Variants in ZNF587 observed in about 807,000 individuals in gnomAD.
ZNF587 encodes the protein zinc finger protein zfp6.
A neutral mutation model predicts 7.5 loss-of-function variants in ZNF587; 8 were observed. That is an observed-to-expected ratio of 1.06 (90% CI 0.62 to 1.92). The LOEUF is 1.92. ZNF587 is among the 40% of genes most tolerant of loss of function. The pLI, the probability that ZNF587 is intolerant of heterozygous loss-of-function variation, is 0.00. For synonymous variants in ZNF587, 145 were observed against 237.8 expected (o/e 0.61, Z 3.59); for missense variants, 468 against 692.8 (o/e 0.68, Z 3.64).
intron 1 of ZNF587, chr19:57,851,608 G>C (rs1173727737): frequency 6.5e-6 from 1 of 153,290 alleles, no homozygotes; most frequent in Non-Finnish European, 1.5e-5. Flanking sequence ...AGAGCTGGAA[G>C]GATGGAACCT....
Position 57,864,602 on chromosome 19 carries a change from A to ACATACATGAAATAGTGAT in ZNF587, c.*4463_*4480dup, listed in dbSNP as rs996562509. On this transcript the variant is annotated 3_prime_UTR_variant, in exon 3 of 3. Transcript: ENST00000339656. ...GCATGTTATATAAGCACATACAGGCACATACATGAAATAGTGATACTTCAT... is the reference window on the plus strand; with the variant it reads ...GCATGTTATATAAGCACATACAGGCACATACATGAAATAGTGATCATACATGAAATAGTGATACTTCAT... 1 of 152,164 alleles carries ACATACATGAAATAGTGAT rather than the reference A, an allele frequency of 6.6e-6. No individual in the cohort carries two copies. Among genetic ancestry groups the ACATACATGAAATAGTGAT allele is most frequent in the African/African-American group, 2.4e-5 (1 of 41,428 alleles). The allele number at this position is 152,164 out of a possible 1,614,324, so 9.4% of individuals were successfully genotyped here.
intron 1 of ZNF587, 65 bp from the exon 2 acceptor site, chr19:57,856,039 G>A: frequency 2.5e-6 from 4 of 1,601,642 alleles, no homozygotes; most frequent in Non-Finnish European, 2.6e-6. Flanking sequence ...GTGGGTGTGT[G>A]GGAGAGGTGG....
intron 2 of ZNF587, among the ~76,000 whole-genome samples, chr19:57,856,749 C>T (rs1253072157): frequency 6.6e-6 from 1 of 152,048 alleles, no homozygotes; most frequent in East Asian, 1.9e-4. Context: ...CTGCTTTGCT[C>T]CAGGCTCCCA....
chr19:57,860,049 G>C lies in ZNF587; in HGVS notation c.1637G>C (p.Arg546Thr). ...CACAGGAGAATTCACACTGGAGAAA[G>C]GCCTTATGAATGCACCAAATGTGGA... ...IKHRRIHTGE[R>T]PYECTKCGKT... The change falls in exon 3 of 3, where the codon AGG (arginine) becomes ACG (threonine). Residue 546 changes from arginine (R) to threonine (T), a missense_variant. Arg to Thr is a moderately conservative substitution (Grantham distance 71). Transcript: ENST00000339656. 6.2e-7 allele frequency: 1 copy of C among 1,614,120 alleles called. No individual in the cohort carries two copies. The highest frequency in any genetic ancestry group is 1.1e-5 in the South Asian group (1 of 91,080).
chr19:57,862,842 A>G lies in ZNF587; in HGVS notation c.*2702A>G, dbSNP rs2071452959. On this transcript the variant is annotated 3_prime_UTR_variant, in exon 3 of 3. Transcript: ENST00000339656. ...AATCTGTTTCCTCTCACTCTGAATT[A>G]TTCTTCCTCTTATGGCTGACCAAAA... 6.4e-6 allele frequency: 1 copy of G among 155,112 alleles called. No homozygotes were observed. The allele number at this position is 155,112 out of a possible 1,614,324, so 9.6% of individuals were successfully genotyped here.
In ZNF587 at chr19:57,860,656, G is replaced by C. The variant is rs1267925677; in HGVS notation, c.*516G>C. On this transcript the variant is annotated 3_prime_UTR_variant, in exon 3 of 3. Coordinates refer to ENST00000339656, the MANE Select transcript of ZNF587 (RefSeq NM_032828.4). ...AAACCTGATGCTTTGGGAGGACAAG[G>C]TGGTTCATTGGAGGCCAGGAGTTAG... 6.2e-6 allele frequency: 1 copy of C among 162,424 alleles called. No homozygotes were observed. Among genetic ancestry groups the C allele is most frequent in the Admixed American group, 5.8e-5 (1 of 17,328 alleles). The allele number at this position is 162,424 out of a possible 1,614,324, so 10.1% of individuals were successfully genotyped here. A position where few individuals can be genotyped will look rare whatever the true frequency, so the allele number is the denominator to read the frequency against.
At chr19:57,852,506 T>G (rs1188211952) in intron 1 of ZNF587, 17 of 398,036 alleles carry the variant, frequency 4.3e-5, no homozygotes, top group Non-Finnish European at 7.5e-5. Flanking sequence ...GGATTCACTT[T>G]TTGTAAAGAG....
intron 1 of ZNF587, among the ~76,000 whole-genome samples, chr19:57,855,179 G>A (rs1019843371): frequency 4.8e-4 from 72 of 150,612 alleles, no homozygotes; most frequent in African/African-American, 1.6e-3. Flanking sequence ...GCAAGACTCC[G>A]TCTCAAAAAA....
chr19:57,856,223 ATCCTC>A lies in ZNF587; in HGVS notation c.154_158del (p.Ser52AlafsTer10), dbSNP rs1475531549. The stretch of plus-strand genomic sequence containing the variant: ...TGATGCTAGAGAACCTGGCTCTCAT[ATCCTC>A]GCTGGGTAAGTTGCTCACGCTCACC... On this transcript the variant is annotated frameshift_variant, in exon 2 of 3. Transcript: ENST00000339656. LOFTEE classifies it low-confidence loss of function (END_TRUNC). The A allele has an allele frequency of 6.3e-7, 1 of 1,584,138 alleles. No homozygotes were observed. The highest frequency in any genetic ancestry group is 8.6e-7 in the Non-Finnish European group (1 of 1,163,018).
intron 1 of ZNF587, chr19:57,852,534 T>C (rs1350232242): frequency 2.5e-6 from 1 of 396,366 alleles, no homozygotes; most frequent in Non-Finnish European, 4.4e-6. Flanking sequence ...GGTTTTCTTT[T>C]TTTTTTCTTA....
At position 57,864,768 on chromosome 19, in the gene ZNF587, T is replaced by C. The variant is rs1212494095; in HGVS notation, c.*4628T>C. ...ACACACACTGAAGAGTATGTTTGTC[T>C]CTTGTGGTGTAAATTTTTTTTTATT... On this transcript the variant is annotated 3_prime_UTR_variant, in exon 3 of 3. Coordinates refer to ENST00000339656, the MANE Select transcript of ZNF587 (RefSeq NM_032828.4). The C allele has an allele frequency of 1.3e-5, 2 of 152,204 alleles. No individual in the cohort carries two copies. 9.4% of individuals were successfully genotyped at this position (152,204 alleles called of 1,614,324 possible). A position where few individuals can be genotyped will look rare whatever the true frequency, so the allele number is the denominator to read the frequency against.
At chr19:57,857,977 G>A (rs2071384973) in intron 2 of ZNF587, among the ~76,000 whole-genome samples, 1 of 151,412 alleles carries the variant, frequency 6.6e-6, no homozygotes, top group South Asian at 2.1e-4. Context: ...CAGGAGATAA[G>A]GTCCTGTACA....
In ZNF587 at chr19:57,864,353, C is replaced by CA. The variant is rs1202048969; in HGVS notation, c.*4216dup. Reference sequence around the variant, plus strand: ...TTCACTACGTTAGCCAGGCTGGTCTCAAACTCCTGACCTCATGATCCACCC... The same window carrying CA: ...TTCACTACGTTAGCCAGGCTGGTCTCAAAACTCCTGACCTCATGATCCACCC... On this transcript the variant is annotated 3_prime_UTR_variant, in exon 3 of 3. Coordinates refer to ENST00000339656, the MANE Select transcript of ZNF587 (RefSeq NM_032828.4). 6.6e-6 allele frequency: 1 copy of CA among 151,778 alleles called. No individual in the cohort carries two copies. Among genetic ancestry groups the CA allele is most frequent in the East Asian group, 2.0e-4 (1 of 5,112 alleles). 9.4% of individuals were successfully genotyped at this position (151,778 alleles called of 1,614,324 possible). A position where few individuals can be genotyped will look rare whatever the true frequency, so the allele number is the denominator to read the frequency against.
intron 1 of ZNF587, chr19:57,853,777 TG>T (rs1402090764): frequency 6.8e-6 from 1 of 147,882 alleles, no homozygotes; most frequent in Non-Finnish European, 1.5e-5. Context: ...TTTTTTCAGA[TG>T]GAGTTTCGCT....
rs1395445508 is a variant in ZNF587 at position 57,861,870 on chromosome 19, T to TC, written c.*1731dup. 2.0e-5 allele frequency: 3 copies of TC among 147,968 alleles called. No individual in the cohort carries two copies. Among genetic ancestry groups the TC allele is most frequent in the Admixed American group, 1.4e-4 (2 of 14,142 alleles). 9.2% of individuals were successfully genotyped at this position (147,968 alleles called of 1,614,324 possible). ...CCACTGCAACCTCCACCTCCTGTGT[T>TC]CAAGCGATTCTGCCTCAGCCTCCTG... is the stretch of plus-strand genomic sequence containing the variant. On this transcript the variant is annotated 3_prime_UTR_variant, in exon 3 of 3. Coordinates refer to ENST00000339656, the MANE Select transcript of ZNF587 (RefSeq NM_032828.4).
At position 57,854,412 on chromosome 19, in the gene ZNF587, G is replaced by C. The variant is rs2076943; in HGVS notation, c.34-1692G>C. On this transcript the variant is annotated intron_variant, in intron 1 of 2. Coordinates refer to ENST00000339656, the MANE Select transcript of ZNF587 (RefSeq NM_032828.4). ...TGGAAATTCTGTGTTAATATTGGAT[G>C]CTATTTGTATTTGTCAAGCATAGTC... Among the ~76,000 whole-genome samples the C allele has an allele frequency of 2.0e-4, 30 of 152,182 alleles. 1 individual carries two copies. The highest frequency in any genetic ancestry group is 1.2e-3 in the East Asian group (6 of 5,174).
In ZNF587 at chr19:57,859,445, G is replaced by C; in HGVS notation, c.1033G>C (p.Gly345Arg). The change falls in exon 3 of 3, where the codon GGT becomes CGT. Residue 345 changes from glycine to arginine, a missense_variant. Gly to Arg is a moderately radical substitution (Grantham distance 125). This residue lies in a region of ZNF587 where 310 missense variants were observed against 325.6 expected (regional missense o/e 0.95). Transcript: ENST00000339656. ...QKGNLIQHQQ[G>R]HTGERAYHCG... The stretch of plus-strand genomic sequence containing the variant: ...GGGTAACCTCATTCAACATCAGCAA[G>C]GTCACACTGGAGAGAGAGCTTATCA... The C allele has an allele frequency of 6.2e-7, 1 of 1,611,932 alleles. No homozygotes were observed. Among genetic ancestry groups the C allele is most frequent in the Non-Finnish European group, 8.5e-7 (1 of 1,179,952 alleles).
chr19:57,850,862 C>T (rs1167368931), intron 1 of ZNF587: 1 of 291,708 alleles, frequency 3.4e-6, no homozygotes, highest in East Asian at 5.6e-5. Flanking sequence ...AGATGTAAAG[C>T]ACTGGCCGTT....
rs1279820124 is a variant in ZNF587, at chr19:57,864,589, AGCACATACAG to A, written c.*4459_*4468del. On this transcript the variant is annotated 3_prime_UTR_variant, in exon 3 of 3. Coordinates refer to ENST00000339656, the MANE Select transcript of ZNF587 (RefSeq NM_032828.4). ...ACCTTGTATTACAGCATGTTATATA[AGCACATACAG>A]GCACATACATGAAATAGTGATACTT... 6.6e-6 allele frequency: 1 copy of A among 152,142 alleles called. No homozygotes were observed. Among genetic ancestry groups the A allele is most frequent in the Non-Finnish European group, 1.5e-5 (1 of 68,026 alleles). 9.4% of individuals were successfully genotyped at this position (152,142 alleles called of 1,614,324 possible).
Sources: gnomAD v4.1 joint callset for allele counts (sites outside exome capture counted in the v4.1 genomes callset) on GRCh38, gnomAD v4.1.1 for gene constraint, gnomAD v4.1.1 regional missense constraint, MANE v1.5 for transcripts, NCBI Gene and HGNC (gene_info 2026-07-23, HGNC 2026-07-21) for gene names.